Variants in LRRIQ1 observed in about 807,000 individuals in gnomAD.
LRRIQ1 encodes leucine-rich repeat- and IQ domain-containing protein 1.
A neutral mutation model predicts 211.9 loss-of-function variants in LRRIQ1; 210 were observed. The ratio of observed to expected loss-of-function variants is 0.99; its 90% CI spans 0.89 to 1.11. The LOEUF (loss-of-function observed/expected upper bound fraction) is 1.11, where lower values mean the gene tolerates loss of function less well. LRRIQ1 is among the 50% of genes most tolerant of loss of function. The probability of loss-of-function intolerance (pLI) is 0.00; values close to 1 mark genes in which losing one functional copy is unlikely to be tolerated. For missense variants in LRRIQ1, 2,136 were observed against 1,939.5 expected (o/e 1.10, Z -1.90); for synonymous variants, 699 against 650.1 (o/e 1.08, Z -1.14).
chr12:85,180,667 G>A (rs916465750), intron 24 of LRRIQ1, among the ~76,000 whole-genome samples: 20 of 151,808 alleles, frequency 1.3e-4, no homozygotes, highest in Non-Finnish European at 2.8e-4. Context: ...ACAGAGTTGA[G>A]TAAATGAATT....
intron 18 of LRRIQ1, among the ~76,000 whole-genome samples, chr12:85,136,230 A>G (rs1255238518): frequency 6.6e-6 from 1 of 151,952 alleles, no homozygotes; most frequent in Non-Finnish European, 1.5e-5. Context: ...GACCACACAA[A>G]TGAGAAAAAA....
Position 85,047,387 on chromosome 12 carries a change from C to G in LRRIQ1, c.595C>G (p.Gln199Glu), listed in dbSNP as rs992384948. ...AGCTCAGAGGGATAGAGAAGAAAAA[C>G]AATTTCAAGAAGAAGAAGAAAAGCG... is the stretch of plus-strand genomic sequence containing the variant. ...LKAQRDREEK[Q>E]FQEEEEKRHC... Residue 199 changes from glutamine to glutamate, a missense_variant, in exon 6 of 27, where the codon CAA becomes GAA. Coordinates refer to ENST00000393217, the MANE Select transcript of LRRIQ1 (RefSeq NM_001079910.2). The G allele has an allele frequency of 2.5e-6, 4 of 1,572,948 alleles. No homozygotes were observed. The highest frequency in any genetic ancestry group is 2.6e-6 in the Non-Finnish European group (3 of 1,152,880).
intron 26 of LRRIQ1, among the ~76,000 whole-genome samples, chr12:85,234,017 G>C (rs1895067876): frequency 6.6e-6 from 1 of 151,966 alleles, no homozygotes; most frequent in Non-Finnish European, 1.5e-5. Flanking sequence ...GACTTCTTGA[G>C]CCCAAGAGTT....
chr12:85,257,413 C>A (rs1011754517), intron 1 of LRRIQ1, among the ~76,000 whole-genome samples: 2 of 149,782 alleles, frequency 1.3e-5, no homozygotes, highest in Non-Finnish European at 1.5e-5. Flanking sequence ...TAGACCTTTC[C>A]CAAACTAACA....
chr12:85,199,935 A>G (rs2137010918), intron 24 of LRRIQ1, among the ~76,000 whole-genome samples: 1 of 152,240 alleles, frequency 6.6e-6, no homozygotes, highest in South Asian at 2.1e-4. Context: ...TTCACTAAGA[A>G]TTGCCTTTGA....
chr12:85,149,730 C>G (rs571856943), intron 19 of LRRIQ1, among the ~76,000 whole-genome samples: 149 of 91,368 alleles, frequency 1.6e-3, no homozygotes, highest in African/African-American at 0.014. Context: ...GTCTTGGTAA[C>G]ATATTTTTGT....
At chr12:85,149,313 G>C (rs890211003) in intron 19 of LRRIQ1, among the ~76,000 whole-genome samples, 1 of 151,930 alleles carries the variant, frequency 6.6e-6, no homozygotes, top group African/African-American at 2.4e-5. Context: ...AATCCAGCTT[G>C]AGTTAGTTTT....
At chr12:85,269,235 G>GCTT (rs1468462211), downstream of LRRIQ1, among the ~76,000 whole-genome samples, 1 of 151,898 alleles carries the variant, frequency 6.6e-6, no homozygotes, top group East Asian at 1.9e-4. Context: ...CAATCTATAG[G>GCTT]CTTCAGGGTA....
At chr12:85,183,882 T>C (rs1416275493) in intron 24 of LRRIQ1, among the ~76,000 whole-genome samples, 4 of 152,116 alleles carry the variant, frequency 2.6e-5, no homozygotes, top group Admixed American at 1.3e-4. Flanking sequence ...AAAATCTGTT[T>C]ATGTTCTATG....
intron 23 of LRRIQ1, among the ~76,000 whole-genome samples, chr12:85,157,881 G>C (rs7961956): frequency 2.2e-4 from 33 of 151,626 alleles, no homozygotes; most frequent in Admixed American, 1.8e-3. Flanking sequence ...TTAAAAAAAG[G>C]CTAATTTTTT....
In LRRIQ1 at chr12:85,040,417, A is replaced by C. The variant is rs192152390; in HGVS notation, c.133-73A>C. On this transcript the variant is annotated intron_variant, in intron 2 of 26. Transcript: ENST00000393217. ...TTGGTCACATTTTTGCTGTGGAATG[A>C]AGGGTCCAAAATTTGACACATAATT... is the stretch of plus-strand genomic sequence containing the variant. 13,195 of 803,982 alleles carry C rather than the reference A, an allele frequency of 0.016. 699 individuals carry two copies. The East Asian group carries it at 0.17, about 10-fold the overall frequency. The allele number at this position is 803,982 out of a possible 1,614,324, so 49.8% of individuals were successfully genotyped here.
intron 24 of LRRIQ1, among the ~76,000 whole-genome samples, chr12:85,174,719 A>AAAAAAAAAAAG (rs1296594390): frequency 6.7e-6 from 1 of 149,950 alleles, no homozygotes; most frequent in Non-Finnish European, 1.5e-5. Context: ...AAAAAAAAAA[A>AAAAAAAAAAAG]AAAATCTGAG....
intron 13 of LRRIQ1, among the ~76,000 whole-genome samples, chr12:85,099,350 C>A (rs1024545473): frequency 1.3e-5 from 2 of 151,818 alleles, no homozygotes; most frequent in African/African-American, 4.8e-5. Context: ...ATGTCTCATT[C>A]TCTCAAATGG....
At chr12:85,065,497 G>C in intron 9 of LRRIQ1, 83 bp downstream of exon 9, 1 of 1,156,832 alleles carries the variant, frequency 8.6e-7, no homozygotes, top group Non-Finnish European at 1.2e-6. Flanking sequence ...TGACCCTTTT[G>C]AAGAAACAAT....
At chr12:85,272,747 G>A in the LRRIQ1 span, among the ~76,000 whole-genome samples, 2 of 151,990 alleles carry the variant, frequency 1.3e-5, no homozygotes, top group African/African-American at 4.8e-5. Context: ...AATTTTTTTA[G>A]GATTTTATAA....
intron 1 of LRRIQ1, among the ~76,000 whole-genome samples, chr12:85,262,110 GA>G (rs1252406219): frequency 6.6e-6 from 1 of 152,124 alleles, no homozygotes; most frequent in Non-Finnish European, 1.5e-5. Flanking sequence ...TAGTATTCTT[GA>G]TATGGCATCC....
At chr12:85,047,133 C>A in intron 5 of LRRIQ1, 114 bp from the exon 6 acceptor site, 1 of 717,344 alleles carries the variant, frequency 1.4e-6, no homozygotes, top group Non-Finnish European at 2.2e-6. Context: ...CACATGTACC[C>A]TAGAACTTAA....
At chr12:85,040,730 C>A (rs529351042) in intron 3 of LRRIQ1, 129 bp downstream of exon 3, 1 of 473,230 alleles carries the variant, frequency 2.1e-6, no homozygotes, top group Non-Finnish European at 3.7e-6. Flanking sequence ...TAGTGTATTT[C>A]TAATATATCT....
chr12:85,161,167 A>G (rs1157601130), intron 24 of LRRIQ1, among the ~76,000 whole-genome samples: 9 of 152,118 alleles, frequency 5.9e-5, no homozygotes, highest in East Asian at 5.8e-4. Context: ...TGCCCAACTC[A>G]CTGTTGGAGT....
Sources: allele counts gnomAD v4.1 joint callset (sites outside exome capture counted in the v4.1 genomes callset), GRCh38; gene constraint gnomAD v4.1.1; transcripts MANE v1.5; gene names NCBI Gene and HGNC (gene_info 2026-07-23, HGNC 2026-07-21).